The following RELB variants were observed in gnomAD, a reference collection of about 807,000 sequenced individuals.
RELB encodes the protein transcription factor RelB.
A neutral mutation model predicts 55.4 loss-of-function variants in RELB; 14 were observed. That is an observed-to-expected ratio of 0.25 (90% confidence interval 0.17 to 0.40). The LOEUF is 0.40. Ranked by LOEUF, RELB falls within the 10% of genes least tolerant of loss-of-function variation. RELB has a pLI of 1.00. For missense variants in RELB, 669 were observed against 830.7 expected (o/e 0.81, Z 2.39); for synonymous variants, 409 against 371.3 (o/e 1.10, Z -1.17).
intron 2 of RELB, among the ~76,000 whole-genome samples, chr19:45,008,253 T>G (rs189333039): frequency 6.6e-6 from 1 of 152,150 alleles, no homozygotes; most frequent in Non-Finnish European, 1.5e-5. Context: ...ATTATTATTG[T>G]GCCCATTTTA....
At chr19:45,008,652 A>T (rs778618775) in intron 2 of RELB, 1 of 408,448 alleles carries the variant, frequency 2.4e-6, no homozygotes, top group Non-Finnish European at 5.0e-6. Context: ...CTACCTTTCA[A>T]GGGGCAAAGG....
chr19:45,031,991 A>G (rs1171442279), intron 8 of RELB, among the ~76,000 whole-genome samples: 1 of 151,386 alleles, frequency 6.6e-6, no homozygotes, highest in Non-Finnish European at 1.5e-5. Context: ...TAATCCCAGC[A>G]CTTTGGGAGG....
intron 7 of RELB, among the ~76,000 whole-genome samples, chr19:45,026,996 G>A (rs1255783147): frequency 6.6e-6 from 1 of 152,186 alleles, no homozygotes; most frequent in Non-Finnish European, 1.5e-5. Flanking sequence ...TTGGGAGGAC[G>A]AGGTGGGCAG....
At chr19:45,002,864 A>G (rs1429778828) in intron 1 of RELB, 85 bp from the exon 2 acceptor site, 2 of 1,159,406 alleles carry the variant, frequency 1.7e-6, no homozygotes, top group Non-Finnish European at 2.5e-6. Context: ...GGGCTAGAAG[A>G]GGAAGGGGTG....
At chr19:45,026,636 G>A (rs2122470992) in intron 7 of RELB, among the ~76,000 whole-genome samples, 1 of 152,274 alleles carries the variant, frequency 6.6e-6, no homozygotes, top group African/African-American at 2.4e-5. Context: ...CAGCCCAAGG[G>A]AAGAGGCAGC....
chr19:45,016,429 G>A (rs1163098137), intron 4 of RELB, among the ~76,000 whole-genome samples: 1 of 152,156 alleles, frequency 6.6e-6, no homozygotes, highest in African/African-American at 2.4e-5. Context: ...CTATATATAG[G>A]CTCCTTGTTA....
chr19:45,035,234 T>C (rs1017772425), intron 11 of RELB, among the ~76,000 whole-genome samples: 2 of 152,064 alleles, frequency 1.3e-5, no homozygotes, highest in African/African-American at 4.8e-5. Context: ...ATACATAGTC[T>C]GTAGGGACTG....
Position 45,001,695 on chromosome 19 carries a change from G to C in RELB, c.106+10G>C. The stretch of plus-strand genomic sequence containing the variant: ...GAGCTGGGGGCCTTAGGTAAGCGGG[G>C]CTGGGGTTCAGGAGAGGGGTCTGGG... On this transcript the variant is annotated intron_variant, in intron 1 of 11. Transcript: ENST00000221452. 6.6e-7 allele frequency: 1 copy of C among 1,511,056 alleles called. No homozygotes were observed. Among genetic ancestry groups the C allele is most frequent in the Non-Finnish European group, 8.8e-7 (1 of 1,132,916 alleles). The allele number at this position is 1,511,056 out of a possible 1,614,324, so 93.6% of individuals were successfully genotyped here.
chr19:45,003,642 AT>A, intron 2 of RELB: 1 of 515,668 alleles, frequency 1.9e-6, no homozygotes, highest in Non-Finnish European at 3.9e-6. Context: ...CCCTGTGTGA[AT>A]GTCTGCAAGT....
intron 2 of RELB, among the ~76,000 whole-genome samples, chr19:45,005,589 C>G (rs34647054): frequency 0.34 from 50,962 of 151,840 alleles, 8,966 homozygotes; most frequent in East Asian, 0.47. Flanking sequence ...GGTGGTCCTG[C>G]GCAGGAACAA....
intron 2 of RELB, among the ~76,000 whole-genome samples, chr19:45,004,322 G>A (rs533398463): frequency 2.1e-4 from 30 of 144,408 alleles, no homozygotes; most frequent in African/African-American, 7.5e-4. Context: ...TCTCAGGTTC[G>A]AGCAATTCTC....
intron 2 of RELB, among the ~76,000 whole-genome samples, chr19:45,008,000 CAA>C (rs57007961): frequency 0.066 from 4,150 of 63,010 alleles, 132 homozygotes; most frequent in African/African-American, 0.15. Context: ...GCTAAAAATA[CAA>C]AAAAAAAAAA....
At position 45,037,800 on chromosome 19, in the gene RELB, G is replaced by A. The variant is rs771558379; in HGVS notation, c.*10G>A. ...GCCTGAAGCCACGTAGCCCCGCGAT[G>A]CCAGAGGAGGGGCACTGGGTGGGGA... is the stretch of plus-strand genomic sequence containing the variant. On this transcript the variant is annotated 3_prime_UTR_variant, in exon 12 of 12. Coordinates refer to ENST00000221452, the MANE Select transcript of RELB (RefSeq NM_006509.4). 1 of 1,478,366 alleles carries A rather than the reference G, an allele frequency of 6.8e-7. No individual in the cohort carries two copies. Among genetic ancestry groups the A allele is most frequent in the Non-Finnish European group, 8.9e-7 (1 of 1,118,206 alleles). The allele number at this position is 1,478,366 out of a possible 1,614,324, so 91.6% of individuals were successfully genotyped here.
At chr19:45,029,121 A>G in intron 8 of RELB, 129 bp downstream of exon 8, 1 of 654,548 alleles carries the variant, frequency 1.5e-6, no homozygotes, top group Non-Finnish European at 2.7e-6. Flanking sequence ...GCAAGGGTCC[A>G]GAACACTGTC....
chr19:45,032,325 A>C (rs1208613610), intron 8 of RELB: 1 of 513,142 alleles, frequency 1.9e-6, no homozygotes, highest in Non-Finnish European at 3.6e-6. Flanking sequence ...AGGCTGAGGC[A>C]GGAGAATTGC....
At chr19:45,016,491 A>G (rs575799142) in intron 4 of RELB, among the ~76,000 whole-genome samples, 2 of 152,230 alleles carry the variant, frequency 1.3e-5, no homozygotes, top group African/African-American at 2.4e-5. Flanking sequence ...TTAGTGACTT[A>G]TATGTCACAC....
chr19:45,025,294 C>T (rs775748365), intron 5 of RELB, 35 bp from the exon 6 acceptor site: 8 of 1,494,608 alleles, frequency 5.4e-6, no homozygotes, highest in South Asian at 1.2e-5. Context: ...TGCCTGCTCA[C>T]GAGCACTCCT....
chr19:45,005,579 G>A (rs578199201), intron 2 of RELB, among the ~76,000 whole-genome samples: 1 of 152,204 alleles, frequency 6.6e-6, no homozygotes, highest in East Asian at 1.9e-4. Flanking sequence ...CTGCCCAAGC[G>A]GTGGTCCTGC....
chr19:45,025,281 A>T, intron 5 of RELB, 48 bp from the exon 6 acceptor site: 1 of 1,379,240 alleles, frequency 7.3e-7, no homozygotes, highest in Non-Finnish European at 1.0e-6. Flanking sequence ...TTAGGGCCAC[A>T]CTTGCCTGCT....
Sources: allele counts gnomAD v4.1 joint callset (sites outside exome capture counted in the v4.1 genomes callset), GRCh38; gene constraint gnomAD v4.1.1; transcripts MANE v1.5; gene names NCBI Gene and HGNC (gene_info 2026-07-23, HGNC 2026-07-21).